STK39: variants seen among roughly 807,000 people sequenced by gnomAD.
STK39 encodes the protein STE20/SPS1-related proline-alanine-rich protein kinase.
In STK39, 20 loss-of-function variants were observed where a neutral mutation model predicts 77.8. That is an observed-to-expected ratio of 0.26 (90% CI 0.18 to 0.37). STK39 has a LOEUF of 0.37. Among genes scored for constraint, STK39 ranks in the 10% least tolerant of loss-of-function variants. The pLI is 1.00. For synonymous variants in STK39, 246 were observed against 234.1 expected, an observed-to-expected ratio of 1.05 and a Z score of -0.47; for missense variants, 479 against 656.5, an observed-to-expected ratio of 0.73 and a Z score of 2.95.
chr2:168,002,822 G>A (rs1684034666), intron 16 of STK39, among the ~76,000 whole-genome samples: 1 of 152,120 alleles, frequency 6.6e-6, no homozygotes, highest in Non-Finnish European at 1.5e-5. Context: ...CTCTGTCTGT[G>A]CTTACGTTTG....
At chr2:168,149,426 ATGACCTCTG>A (rs1688224307) in intron 5 of STK39, among the ~76,000 whole-genome samples, 1 of 152,234 alleles carries the variant, frequency 6.6e-6, no homozygotes, top group Non-Finnish European at 1.5e-5. Flanking sequence ...GAAAGAGTCC[ATGACCTCTG>A]TGACATCTCT....
intron 16 of STK39, among the ~76,000 whole-genome samples, chr2:168,000,244 G>T (rs1342302728): frequency 6.6e-6 from 1 of 152,126 alleles, no homozygotes; most frequent in African/African-American, 2.4e-5. Context: ...TCTAAGTGCA[G>T]AGTTCTATAT....
chr2:168,009,037 A>G (rs1684203303), intron 16 of STK39, among the ~76,000 whole-genome samples: 1 of 152,152 alleles, frequency 6.6e-6, no homozygotes, highest in Admixed American at 6.5e-5. Context: ...CAGCTTTGAA[A>G]AGAACAATTT....
chr2:168,093,602 C>T (rs1270552397), intron 10 of STK39, among the ~76,000 whole-genome samples: 1 of 152,166 alleles, frequency 6.6e-6, no homozygotes, highest in African/African-American at 2.4e-5. Context: ...TCATGTCAAC[C>T]CTGCCTCCTA....
chr2:168,025,738 G>A (rs1033704817), intron 14 of STK39, among the ~76,000 whole-genome samples: 10 of 152,194 alleles, frequency 6.6e-5, no homozygotes, highest in African/African-American at 2.4e-4. Context: ...TACACAGAAG[G>A]AACCTACAAA....
intron 5 of STK39, among the ~76,000 whole-genome samples, chr2:168,155,197 C>T (rs751223199): frequency 2.6e-5 from 4 of 152,190 alleles, no homozygotes; most frequent in Admixed American, 1.3e-4. Context: ...TCTCCTCCAC[C>T]GGGTTCACCC....
intron 16 of STK39, among the ~76,000 whole-genome samples, chr2:167,971,756 G>A (rs1383361014): frequency 6.6e-6 from 1 of 152,196 alleles, no homozygotes; most frequent in Non-Finnish European, 1.5e-5. Flanking sequence ...AGCACCAACT[G>A]GCTGACTTTG....
chr2:168,199,955 G>A (rs1689572702), intron 1 of STK39, among the ~76,000 whole-genome samples: 1 of 152,148 alleles, frequency 6.6e-6, no homozygotes, highest in African/African-American at 2.4e-5. Flanking sequence ...TAAGCTGTCA[G>A]CAAAGCCTTG....
chr2:168,112,748 C>A (rs1687152172), intron 10 of STK39, among the ~76,000 whole-genome samples: 1 of 152,106 alleles, frequency 6.6e-6, no homozygotes, highest in South Asian at 2.1e-4. Flanking sequence ...TGTTTTACAA[C>A]CTTTGTCTAC....
intron 14 of STK39, among the ~76,000 whole-genome samples, chr2:168,020,822 T>C (rs1316050525): frequency 2.0e-5 from 3 of 152,110 alleles, no homozygotes; most frequent in African/African-American, 4.8e-5. Flanking sequence ...AGGCCAATAA[T>C]TCCATACTGA....
rs1219457311 is a variant in STK39, at chr2:168,167,400, A to C, written c.329T>G (p.Ile110Ser). Residue 110 changes from isoleucine to serine, a missense_variant, in exon 3 of 18, where the codon ATT (isoleucine) becomes AGT (serine). Transcript: ENST00000355999. ...QTSMDELLKE[I>S]QAMSQCSHPN... ...ATGGCTGCACTGACTCATGGCTTGA[A>C]TTTCTTTCTATAAAAAGAGCAAAAC... 6.2e-7 allele frequency: 1 copy of C among 1,613,376 alleles called. No individual in the cohort carries two copies. The highest frequency in any genetic ancestry group is 8.5e-7 in the Non-Finnish European group (1 of 1,179,512).
At chr2:168,137,418 C>T (rs1687867578) in intron 8 of STK39, among the ~76,000 whole-genome samples, 1 of 152,110 alleles carries the variant, frequency 6.6e-6, no homozygotes, top group African/African-American at 2.4e-5. Flanking sequence ...CAGTGGGCTC[C>T]ATGATCACTA....
At chr2:168,008,936 T>C (rs1345451728) in intron 16 of STK39, among the ~76,000 whole-genome samples, 1 of 152,228 alleles carries the variant, frequency 6.6e-6, no homozygotes, top group Non-Finnish European at 1.5e-5. Flanking sequence ...ACAGACCACG[T>C]GTCCTTTACC....
intron 1 of STK39, among the ~76,000 whole-genome samples, chr2:168,185,012 AG>A (rs1366284700): frequency 6.6e-6 from 1 of 152,208 alleles, no homozygotes; most frequent in Non-Finnish European, 1.5e-5. Flanking sequence ...TTAGTTTAAG[AG>A]GAAGCTAAAA....
chr2:168,111,845 C>G lies in STK39; in HGVS notation c.1089+17696G>C, dbSNP rs1030445718. Among the ~76,000 whole-genome samples, 3 of 152,120 alleles carry G rather than the reference C, an allele frequency of 2.0e-5. No individual in the cohort carries two copies. In the South Asian group the frequency reaches 6.2e-4, roughly 31 times the overall value. ...CTCAATTTCCACAGAAAAAAACCTG[C>G]CCACCCTCCATCTAAATACTGATAA... On this transcript the variant is annotated intron_variant, in intron 10 of 17. Coordinates refer to ENST00000355999, the MANE Select transcript of STK39 (RefSeq NM_013233.3).
chr2:168,235,150 G>A (rs1473451793), intron 1 of STK39, among the ~76,000 whole-genome samples: 1 of 151,456 alleles, frequency 6.6e-6, no homozygotes, highest in East Asian at 1.9e-4. Flanking sequence ...CAATTCTTCT[G>A]CTTCAGCCTC....
intron 10 of STK39, among the ~76,000 whole-genome samples, chr2:168,106,087 T>C (rs545888789): frequency 1.3e-5 from 2 of 152,204 alleles, no homozygotes; most frequent in Non-Finnish European, 2.9e-5. Context: ...CTCAGCCTCC[T>C]GAGTAGCTGG....
intron 12 of STK39, among the ~76,000 whole-genome samples, chr2:168,073,794 T>G (rs1686005092): frequency 6.6e-6 from 1 of 152,096 alleles, no homozygotes; most frequent in Non-Finnish European, 1.5e-5. Flanking sequence ...AATTTTGTAT[T>G]TTTAGTAGAG....
intron 10 of STK39, among the ~76,000 whole-genome samples, chr2:168,098,062 T>G (rs747639362): frequency 2.0e-5 from 3 of 152,342 alleles, no homozygotes; most frequent in Middle Eastern, 3.4e-3. Context: ...GTGAAACAAC[T>G]GTGTAAAACA....
Sources: gnomAD v4.1 joint callset for allele counts (sites outside exome capture counted in the v4.1 genomes callset) on GRCh38, gnomAD v4.1.1 for gene constraint, MANE v1.5 for transcripts, NCBI Gene and HGNC (gene_info 2026-07-23, HGNC 2026-07-21) for gene names.